The following CASQ2 variants were observed in gnomAD, a reference collection of about 807,000 sequenced individuals.
The protein encoded by CASQ2 is calsequestrin 2.
In CASQ2, 49 loss-of-function variants were observed where a neutral mutation model predicts 46.5. That is an observed-to-expected ratio of 1.05 (90% confidence interval 0.84 to 1.34). The LOEUF is 1.34. Among genes scored for constraint, CASQ2 ranks in the 40% most tolerant of loss-of-function variants. The probability of loss-of-function intolerance (pLI) is 0.00; values close to 1 mark genes in which losing one functional copy is unlikely to be tolerated. For missense variants in CASQ2, 486 were observed against 481.3 expected, an observed-to-expected ratio of 1.01 and a Z score of -0.09; for synonymous variants, 174 against 168.5, an observed-to-expected ratio of 1.03 and a Z score of -0.25.
intron 2 of CASQ2, among the ~76,000 whole-genome samples, chr1:115,742,819 C>T (rs1327498112): frequency 2.0e-5 from 3 of 151,866 alleles, no homozygotes; most frequent in Non-Finnish European, 4.4e-5. Flanking sequence ...GATGGAGTCT[C>T]GCTCTGTCTC....
rs753244130 is a variant in CASQ2 at position 115,732,929 on chromosome 1, A to T, written c.578T>A (p.Ile193Asn). 1.2e-6 allele frequency: 2 copies of T among 1,613,924 alleles called. No individual in the cohort carries two copies. Among genetic ancestry groups the T allele is most frequent in the Non-Finnish European group, 1.7e-6 (2 of 1,179,846 alleles). The stretch of plus-strand genomic sequence containing the variant: ...TTTGTCAAAGGTGGCAAAGAATTTG[A>T]TGTAAGGCTGGAAGTGTTCAGCTGC... Reference protein sequence around the residue: ...EEAAEHFQPYIKFFATFDKGV... With the variant: ...EEAAEHFQPYNKFFATFDKGV... The change falls in exon 5 of 11, where the codon ATC becomes AAC. Residue 193 changes from isoleucine to asparagine, a missense_variant. Transcript: ENST00000261448.
intron 1 of CASQ2, among the ~76,000 whole-genome samples, chr1:115,767,453 A>C (rs1271845182): frequency 6.6e-6 from 1 of 152,200 alleles, no homozygotes; most frequent in Non-Finnish European, 1.5e-5. Context: ...TGGTTAATAA[A>C]CTGTAATTCT....
chr1:115,718,536 T>C (rs1184619698), intron 7 of CASQ2, among the ~76,000 whole-genome samples: 3 of 152,178 alleles, frequency 2.0e-5, no homozygotes, highest in East Asian at 1.9e-4. Flanking sequence ...ATGTAGTGTG[T>C]AGGGGACACT....
intron 4 of CASQ2, among the ~76,000 whole-genome samples, chr1:115,737,245 G>C (rs1647994643): frequency 6.6e-6 from 1 of 152,178 alleles, no homozygotes; most frequent in African/African-American, 2.4e-5. Flanking sequence ...ACTGTAAATG[G>C]AGGTTTTAAT....
chr1:115,760,873 T>C (rs1648912200), intron 1 of CASQ2, among the ~76,000 whole-genome samples: 1 of 152,198 alleles, frequency 6.6e-6, no homozygotes, highest in South Asian at 2.1e-4. Flanking sequence ...AATTAGTCAT[T>C]CTATTAATAC....
At chr1:115,742,947 C>A (rs528244983) in intron 2 of CASQ2, among the ~76,000 whole-genome samples, 2 of 152,082 alleles carry the variant, frequency 1.3e-5, no homozygotes, top group African/African-American at 4.8e-5. Context: ...GCCACCATGC[C>A]CGGCTAATTT....
chr1:115,749,302 T>C (rs939905243), intron 1 of CASQ2, among the ~76,000 whole-genome samples: 4 of 152,216 alleles, frequency 2.6e-5, no homozygotes, highest in Non-Finnish European at 5.9e-5. Context: ...AATGTGTGCC[T>C]CTCGTAGGCA....
chr1:115,746,948 A>G (rs1325339999), intron 1 of CASQ2, among the ~76,000 whole-genome samples: 1 of 152,120 alleles, frequency 6.6e-6, no homozygotes, highest in African/African-American at 2.4e-5. Context: ...TAATCATTTC[A>G]TCTTCTTAAT....
At chr1:115,726,007 G>A (rs1647575454) in intron 6 of CASQ2, among the ~76,000 whole-genome samples, 1 of 152,188 alleles carries the variant, frequency 6.6e-6, no homozygotes. Flanking sequence ...AAGTCCTTTA[G>A]GGATATTTAG....
At chr1:115,743,174 C>T (rs1648253044) in intron 2 of CASQ2, among the ~76,000 whole-genome samples, 1 of 152,110 alleles carries the variant, frequency 6.6e-6, no homozygotes, top group Admixed American at 6.6e-5. Flanking sequence ...GGGAAAGAGA[C>T]ATCCCAAGCA....
rs922752705 is a variant in CASQ2, at chr1:115,725,577, A to G, written c.738-24T>C. The G allele has an allele frequency of 2.1e-4, 329 of 1,594,410 alleles. 1 individual carries two copies. Among genetic ancestry groups the G allele is most frequent in the South Asian group, 4.4e-4 (39 of 89,582 alleles). On this transcript the variant is annotated intron_variant, in intron 6 of 10. Transcript: ENST00000261448. The stretch of plus-strand genomic sequence containing the variant: ...GTCTGGAAAAAAAAAAAAAAAAAAA[A>G]AAAGAAAGAGCTTCCTTGAGTAGGG...
At chr1:115,757,239 C>T (rs767606850) in intron 1 of CASQ2, among the ~76,000 whole-genome samples, 1 of 152,150 alleles carries the variant, frequency 6.6e-6, no homozygotes, top group Non-Finnish European at 1.5e-5. Context: ...CGTCTCACTC[C>T]AAGGATCCCC....
chr1:115,707,684 C>T (rs1050348152), intron 8 of CASQ2, among the ~76,000 whole-genome samples: 12 of 152,216 alleles, frequency 7.9e-5, no homozygotes, highest in African/African-American at 2.6e-4. Flanking sequence ...GTACAAAGAC[C>T]ACAAGGAGGA....
chr1:115,721,139 A>G (rs1328145914), intron 7 of CASQ2, among the ~76,000 whole-genome samples: 1 of 152,068 alleles, frequency 6.6e-6, no homozygotes, highest in African/African-American at 2.4e-5. Context: ...GGGGTCTCTG[A>G]CCCCATCTTG....
intron 5 of CASQ2, among the ~76,000 whole-genome samples, chr1:115,731,091 C>T (rs1446223101): frequency 1.3e-5 from 2 of 152,122 alleles, no homozygotes; most frequent in Non-Finnish European, 2.9e-5. Flanking sequence ...CCTCTGTGTA[C>T]CTTTGTCTCT....
chr1:115,702,532 G>A (rs1362652587), intron 10 of CASQ2, among the ~76,000 whole-genome samples: 1 of 152,188 alleles, frequency 6.6e-6, no homozygotes, highest in Non-Finnish European at 1.5e-5. Context: ...TGCCTGCCTG[G>A]GATTCTAGGC....
intron 1 of CASQ2, among the ~76,000 whole-genome samples, chr1:115,756,941 C>T (rs754243134): frequency 9.9e-5 from 15 of 151,924 alleles, no homozygotes; most frequent in Non-Finnish European, 8.8e-5. Context: ...GGTGACAGAG[C>T]GAGACTCTGT....
intron 7 of CASQ2, among the ~76,000 whole-genome samples, chr1:115,718,572 C>T (rs989047158): frequency 6.6e-6 from 1 of 152,120 alleles, no homozygotes; most frequent in African/African-American, 2.4e-5. Context: ...TAGGTGACTT[C>T]CTTGAAGTCC....
Position 115,759,489 on chromosome 1 carries a change from C to T in CASQ2, c.234+8819G>A, listed in dbSNP as rs145613062. On this transcript the variant is annotated intron_variant, in intron 1 of 10. Coordinates refer to ENST00000261448, the MANE Select transcript of CASQ2 (RefSeq NM_001232.4). ...TTCTGCTTTCTGCCATGAGTTGAAGCAGCACGAGGCCTTCACCAGATGCAG... is the reference window on the plus strand; with the variant it reads ...TTCTGCTTTCTGCCATGAGTTGAAGTAGCACGAGGCCTTCACCAGATGCAG... Among the ~76,000 whole-genome samples, 744 of 152,306 alleles carry T rather than the reference C, an allele frequency of 4.9e-3. 2 individuals are homozygous for T. The highest frequency in any genetic ancestry group is 9.1e-3 in the Non-Finnish European group (620 of 68,022).
Sources: gnomAD v4.1 joint callset for allele counts (sites outside exome capture counted in the v4.1 genomes callset) on GRCh38, gnomAD v4.1.1 for gene constraint, MANE v1.5 for transcripts, NCBI Gene and HGNC (gene_info 2026-07-23, HGNC 2026-07-21) for gene names.